RCAN2: variants seen among roughly 807,000 people sequenced by gnomAD.
RCAN2 encodes the protein regulator of calcineurin 2, also known as calcipressin-2.
RCAN2 carries 9 observed loss-of-function variants against 23.6 expected under a neutral mutation model. That is an observed-to-expected ratio of 0.38 (90% confidence interval 0.23 to 0.67). The LOEUF is 0.67. Ranked by LOEUF, RCAN2 falls within the 30% of genes least tolerant of loss-of-function variation. The pLI is 0.51. For missense variants in RCAN2, 273 were observed against 302.3 expected (o/e 0.90, Z 0.72); for synonymous variants, 109 against 115.7 (o/e 0.94, Z 0.37).
At chr6:46,364,358 A>G (rs1488144862) in intron 2 of RCAN2, among the ~76,000 whole-genome samples, 1 of 152,118 alleles carries the variant, frequency 6.6e-6, no homozygotes, top group Non-Finnish European at 1.5e-5. Flanking sequence ...CCCTTTCAAT[A>G]TCACTTCCAA....
intron 2 of RCAN2, among the ~76,000 whole-genome samples, chr6:46,271,314 T>C (rs1767517397): frequency 6.6e-6 from 1 of 152,186 alleles, no homozygotes; most frequent in Non-Finnish European, 1.5e-5. Context: ...GACAGTATAA[T>C]GACAGACTTC....
intron 1 of RCAN2, among the ~76,000 whole-genome samples, chr6:46,463,955 C>T (rs1026649820): frequency 3.3e-5 from 5 of 152,078 alleles, no homozygotes; most frequent in African/African-American, 9.6e-5. Flanking sequence ...AAAAAATATG[C>T]CTTGATTCCA....
At chr6:46,348,728 G>A (rs1370816003) in intron 2 of RCAN2, among the ~76,000 whole-genome samples, 1 of 152,152 alleles carries the variant, frequency 6.6e-6, no homozygotes, top group Non-Finnish European at 1.5e-5. Context: ...ATGTTATATT[G>A]AGAAAGATTC....
At chr6:46,293,493 T>C (rs1281341224) in intron 2 of RCAN2, among the ~76,000 whole-genome samples, 1 of 152,196 alleles carries the variant, frequency 6.6e-6, no homozygotes, top group East Asian at 1.9e-4. Flanking sequence ...ACTAGAGAGC[T>C]CTTTCTACTT....
chr6:46,273,069 G>T (rs1767569440), intron 2 of RCAN2, among the ~76,000 whole-genome samples: 1 of 152,276 alleles, frequency 6.6e-6, no homozygotes, highest in East Asian at 1.9e-4. Context: ...AGCTATGTCT[G>T]TGTTTGTTTT....
rs538816975 is a variant in RCAN2 at position 46,322,357 on chromosome 6, A to G, written c.226-73461T>C. Among the ~76,000 whole-genome samples the G allele has an allele frequency of 3.0e-4, 45 of 152,336 alleles. 1 individual carries two copies. Among genetic ancestry groups the G allele is most frequent in the East Asian group, 1.9e-3 (10 of 5,184 alleles). ...GACGGCTAAGTTCACAACACCACCA[A>G]TGGAATTTCCAGAGAAAGCCAAATA... On this transcript the variant is annotated intron_variant, in intron 2 of 4. Coordinates refer to ENST00000371374, the MANE Select transcript of RCAN2 (RefSeq NM_001251974.2).
chr6:46,408,730 A>C (rs1766475574), intron 2 of RCAN2, among the ~76,000 whole-genome samples: 1 of 152,038 alleles, frequency 6.6e-6, no homozygotes, highest in Non-Finnish European at 1.5e-5. Context: ...AAGGAATAAT[A>C]ATTTAAAAAA....
chr6:46,272,563 A>G (rs1767555474), intron 2 of RCAN2, among the ~76,000 whole-genome samples: 1 of 152,236 alleles, frequency 6.6e-6, no homozygotes, highest in African/African-American at 2.4e-5. Flanking sequence ...ACTTTTATGT[A>G]TATTAAATGT....
chr6:46,360,789 C>A (rs1764988336), intron 2 of RCAN2, among the ~76,000 whole-genome samples: 1 of 152,140 alleles, frequency 6.6e-6, no homozygotes, highest in South Asian at 2.1e-4. Context: ...AATGAGCTTT[C>A]ATTTGCTATA....
chr6:46,383,909 G>A (rs1324220191), intron 2 of RCAN2, among the ~76,000 whole-genome samples: 1 of 152,080 alleles, frequency 6.6e-6, no homozygotes, highest in Admixed American at 6.5e-5. Context: ...ACTGGGCCCT[G>A]CCTTCCCCTC....
At chr6:46,309,327 T>C (rs1437910501) in intron 2 of RCAN2, among the ~76,000 whole-genome samples, 1 of 152,222 alleles carries the variant, frequency 6.6e-6, no homozygotes, top group Non-Finnish European at 1.5e-5. Context: ...GTCTAATTTT[T>C]AGTCCAGAAT....
chr6:46,455,896 GA>G (rs920593401), intron 2 of RCAN2, among the ~76,000 whole-genome samples: 22 of 123,098 alleles, frequency 1.8e-4, no homozygotes, highest in South Asian at 5.0e-4. Flanking sequence ...AAAAGAAAAA[GA>G]AAAAAAAAAG....
intron 2 of RCAN2, among the ~76,000 whole-genome samples, chr6:46,362,797 A>G (rs1282509520): frequency 6.6e-6 from 1 of 152,148 alleles, no homozygotes; most frequent in East Asian, 1.9e-4. Context: ...GGAAAAATAC[A>G]TATTTTCAAA....
At chr6:46,313,166 A>G (rs1045938357) in intron 2 of RCAN2, among the ~76,000 whole-genome samples, 7 of 152,124 alleles carry the variant, frequency 4.6e-5, no homozygotes, top group African/African-American at 1.7e-4. Flanking sequence ...GCTGTAACTC[A>G]TGGGTTACCT....
Position 46,221,996 on chromosome 6 carries a change from C to CA in RCAN2, c.*1144dup, listed in dbSNP as rs1337937578. ...TCATCCTTCCCCATTTTAACATGCT[C>CA]AGCTGCTGCTGCATTCTGGGGATTT... On this transcript the variant is annotated 3_prime_UTR_variant, in exon 5 of 5. Coordinates refer to ENST00000371374, the MANE Select transcript of RCAN2 (RefSeq NM_001251974.2). 2 of 398,436 alleles carry CA rather than the reference C, an allele frequency of 5.0e-6. No individual in the cohort carries two copies. Among genetic ancestry groups the CA allele is most frequent in the Non-Finnish European group, 4.4e-6 (1 of 226,026 alleles). 24.7% of individuals were successfully genotyped at this position (398,436 alleles called of 1,614,324 possible).
intron 1 of RCAN2, among the ~76,000 whole-genome samples, chr6:46,459,209 T>C (rs1175858620): frequency 6.6e-6 from 1 of 152,240 alleles, no homozygotes; most frequent in East Asian, 1.9e-4. Context: ...GGAAACTCTT[T>C]TGATAATGAA....
chr6:46,235,897 C>T (rs1200635840), intron 4 of RCAN2, among the ~76,000 whole-genome samples: 2 of 152,176 alleles, frequency 1.3e-5, no homozygotes, highest in Non-Finnish European at 2.9e-5. Context: ...GAGAGATCAC[C>T]TTATCACATA....
intron 2 of RCAN2, among the ~76,000 whole-genome samples, chr6:46,436,652 C>T (rs1231010732): frequency 4.6e-5 from 7 of 152,180 alleles, no homozygotes; most frequent in Non-Finnish European, 1.0e-4. Context: ...TTACAGGAAA[C>T]CTATGAGGTC....
At chr6:46,309,471 A>G (rs141426050) in intron 2 of RCAN2, among the ~76,000 whole-genome samples, 53 of 152,290 alleles carry the variant, frequency 3.5e-4, no homozygotes, top group African/African-American at 1.1e-3. Context: ...CCTTTCTTCT[A>G]GCTAGGCTGG....
Sources: gnomAD v4.1 joint callset for allele counts (sites outside exome capture counted in the v4.1 genomes callset) on GRCh38, gnomAD v4.1.1 for gene constraint, MANE v1.5 for transcripts, NCBI Gene and HGNC (gene_info 2026-07-23, HGNC 2026-07-21) for gene names.